Variants in AGBL1 observed in about 807,000 individuals in gnomAD.
AGBL1 encodes cytosolic carboxypeptidase 4.
AGBL1 carries 130 observed loss-of-function variants against 118.9 expected under a neutral mutation model. That is an observed-to-expected ratio of 1.09 (90% confidence interval 0.95 to 1.26). The LOEUF (loss-of-function observed/expected upper bound fraction) is 1.26. Among genes scored for constraint, AGBL1 ranks in the 50% most tolerant of loss-of-function variants. The probability of loss-of-function intolerance (pLI) is 0.00; values close to 1 mark genes in which losing one functional copy is unlikely to be tolerated. For missense variants in AGBL1, 1,584 were observed against 1,298.1 expected, an observed-to-expected ratio of 1.22 and a Z score of -3.38; for synonymous variants, 555 against 478.9, an observed-to-expected ratio of 1.16 and a Z score of -2.08.
chr15:87,002,717 G>A (rs150273443), intron 24 of AGBL1, among the ~76,000 whole-genome samples: 78,769 of 151,934 alleles, frequency 0.52, 22,528 homozygotes, highest in South Asian at 0.72. Context: ...TGGATTCCTA[G>A]GTATTTTATT....
Position 87,010,051 on chromosome 15 carries a change from A to C in AGBL1, c.3324-18774A>C, listed in dbSNP as rs1171468883. On this transcript the variant is annotated intron_variant, in intron 24 of 24. Transcript: ENST00000441037. The stretch of plus-strand genomic sequence containing the variant: ...GGGGGACTGTTGGGAAGGCATGATT[A>C]GTTTTGAAATGTGAGGACATGAGAT... Among the ~76,000 whole-genome samples the C allele has an allele frequency of 2.0e-5, 3 of 152,086 alleles. No individual in the cohort carries two copies. The East Asian group carries it at 5.8e-4, about 29-fold the overall frequency.
chr15:86,795,573 TTGC>T (rs2141338824), intron 22 of AGBL1, among the ~76,000 whole-genome samples: 1 of 148,636 alleles, frequency 6.7e-6, no homozygotes, highest in Non-Finnish European at 1.5e-5. Flanking sequence ...CTAGTAAACC[TTGC>T]TTTCTGCTTG....
intron 1 of AGBL1, among the ~76,000 whole-genome samples, chr15:86,140,906 T>C (rs931396616): frequency 6.6e-6 from 1 of 152,170 alleles, no homozygotes; most frequent in Non-Finnish European, 1.5e-5. Context: ...AAGGACAAGA[T>C]CATAAAGAGC....
chr15:86,779,590 C>T (rs747863463), intron 22 of AGBL1, among the ~76,000 whole-genome samples: 2 of 152,000 alleles, frequency 1.3e-5, no homozygotes, highest in South Asian at 2.1e-4. Context: ...CTTAATGAGT[C>T]ATATGGTATA....
At chr15:86,753,689 C>T (rs548641496) in intron 22 of AGBL1, among the ~76,000 whole-genome samples, 81 of 152,182 alleles carry the variant, frequency 5.3e-4, no homozygotes, top group Non-Finnish European at 2.4e-4. Flanking sequence ...TAAGCCACTG[C>T]GCCTGGCCTC....
chr15:86,287,917 T>C (rs957418499), intron 16 of AGBL1, among the ~76,000 whole-genome samples: 3 of 152,194 alleles, frequency 2.0e-5, no homozygotes, highest in African/African-American at 7.2e-5. Context: ...CAGTTCACAA[T>C]GCATATTGAA....
chr15:86,887,392 C>T (rs2079986062), intron 22 of AGBL1, among the ~76,000 whole-genome samples: 1 of 152,212 alleles, frequency 6.6e-6, no homozygotes, highest in South Asian at 2.1e-4. Context: ...CCTAACTGCT[C>T]ACATCCACCT....
At chr15:86,173,817 A>G (rs7173223) in intron 5 of AGBL1, among the ~76,000 whole-genome samples, 57,744 of 151,952 alleles carry the variant, frequency 0.38, 11,102 homozygotes, top group South Asian at 0.4. Context: ...TGTTTCTATG[A>G]TAGTACCATG....
chr15:86,723,163 C>G (rs2086756158), intron 22 of AGBL1, among the ~76,000 whole-genome samples: 1 of 152,150 alleles, frequency 6.6e-6, no homozygotes, highest in African/African-American at 2.4e-5. Flanking sequence ...AGTGTATGTC[C>G]AAAGGATTAT....
chr15:86,821,645 T>G (rs1171782815), intron 22 of AGBL1, among the ~76,000 whole-genome samples: 55 of 152,236 alleles, frequency 3.6e-4, no homozygotes, highest in Non-Finnish European at 1.2e-4. Flanking sequence ...CAATGGATAG[T>G]GTAAACATGC....
intron 21 of AGBL1, among the ~76,000 whole-genome samples, chr15:86,599,666 A>G (rs1174658816): frequency 6.6e-6 from 1 of 152,094 alleles, no homozygotes; most frequent in Non-Finnish European, 1.5e-5. Context: ...CCAGTAAGCT[A>G]TCAATTCCTA....
intron 21 of AGBL1, among the ~76,000 whole-genome samples, chr15:86,579,478 T>A (rs190782561): frequency 6.6e-6 from 1 of 152,324 alleles, no homozygotes; most frequent in East Asian, 1.9e-4. Context: ...AAGCTGATAT[T>A]TCTACTTTCT....
At chr15:86,958,605 T>G (rs1054149574) in intron 23 of AGBL1, among the ~76,000 whole-genome samples, 6 of 152,202 alleles carry the variant, frequency 3.9e-5, no homozygotes, top group African/African-American at 1.4e-4. Flanking sequence ...GCTATACACA[T>G]AAATCTATTG....
At chr15:86,558,453 T>C (rs774096495) in intron 21 of AGBL1, among the ~76,000 whole-genome samples, 3 of 152,158 alleles carry the variant, frequency 2.0e-5, no homozygotes, top group Non-Finnish European at 4.4e-5. Context: ...GGCACCTCTG[T>C]TGTAATTCCC....
intron 21 of AGBL1, among the ~76,000 whole-genome samples, chr15:86,565,645 C>T (rs779582525): frequency 6.6e-6 from 1 of 152,242 alleles, no homozygotes; most frequent in Non-Finnish European, 1.5e-5. Flanking sequence ...AGAACCACTA[C>T]TGTCTTCAAT....
chr15:86,753,301 T>C (rs2077882534), intron 22 of AGBL1, among the ~76,000 whole-genome samples: 1 of 152,012 alleles, frequency 6.6e-6, no homozygotes, highest in South Asian at 2.1e-4. Context: ...TACGTTTTTA[T>C]GTCTGCTTCA....
chr15:86,462,208 T>G (rs2082343051), intron 18 of AGBL1, among the ~76,000 whole-genome samples: 1 of 152,076 alleles, frequency 6.6e-6, no homozygotes, highest in Non-Finnish European at 1.5e-5. Context: ...CCTCTGTTAT[T>G]GGGATGTGGT....
intron 18 of AGBL1, among the ~76,000 whole-genome samples, chr15:86,466,559 G>A (rs1227081945): frequency 1.3e-5 from 2 of 152,210 alleles, no homozygotes; most frequent in African/African-American, 4.8e-5. Context: ...TGATCCATTG[G>A]AGGAGAAGAG....
At chr15:86,785,207 A>G (rs1432148749) in intron 22 of AGBL1, among the ~76,000 whole-genome samples, 3 of 151,936 alleles carry the variant, frequency 2.0e-5, no homozygotes, top group African/African-American at 7.3e-5. Flanking sequence ...GCACTTAGTA[A>G]GGGGCTTAAG....
Sources: allele counts gnomAD v4.1 joint callset (sites outside exome capture counted in the v4.1 genomes callset), GRCh38; gene constraint gnomAD v4.1.1; transcripts MANE v1.5; gene names NCBI Gene and HGNC (gene_info 2026-07-23, HGNC 2026-07-21).